C3orf33: variants seen among roughly 807,000 people sequenced by gnomAD.
The protein encoded by C3orf33 is AP-1 activity suppressor.
C3orf33 carries 23 observed loss-of-function variants against 28.7 expected under a neutral mutation model. The observed-to-expected ratio is 0.80, with a 90% CI of 0.58 to 1.13. The LOEUF is 1.13. Ranked by LOEUF, C3orf33 falls within the 50% of genes most tolerant of loss-of-function variation. The pLI is 0.00. For synonymous variants in C3orf33, 119 were observed against 120.5 expected (o/e 0.99, Z 0.08); for missense variants, 327 against 353.4 (o/e 0.93, Z 0.60).
intron 2 of C3orf33, among the ~76,000 whole-genome samples, chr3:155,790,018 G>A (rs1244532447): frequency 6.6e-6 from 1 of 151,946 alleles, no homozygotes; most frequent in Non-Finnish European, 1.5e-5. Context: ...ACAAAAATTA[G>A]CCGGATGTAG....
At chr3:155,788,310 AATTCAAT>A (rs1751202560) in intron 2 of C3orf33, among the ~76,000 whole-genome samples, 1 of 152,178 alleles carries the variant, frequency 6.6e-6, no homozygotes, top group South Asian at 2.1e-4. Flanking sequence ...CCTTTGACAA[AATTCAAT>A]ATTCCTTCAT....
chr3:155,804,231 G>A (rs1751751298), intron 1 of C3orf33: 8 of 382,398 alleles, frequency 2.1e-5, no homozygotes, highest in South Asian at 1.1e-4. Flanking sequence ...ACATACTCTG[G>A]GTTCTGTGAT....
chr3:155,788,167 G>A (rs1447164906), intron 2 of C3orf33, among the ~76,000 whole-genome samples: 1 of 150,940 alleles, frequency 6.6e-6, no homozygotes, highest in Non-Finnish European at 1.5e-5. Context: ...CTCCAGCCTG[G>A]GCGACAGAGC....
chr3:155,787,808 A>C (rs11712034), intron 2 of C3orf33, among the ~76,000 whole-genome samples: 122,604 of 151,802 alleles, frequency 0.81, 49,648 homozygotes, highest in East Asian at 0.91. Context: ...GCCACCACAC[A>C]CAGTCTTTCA....
chr3:155,775,437 C>G (rs980175349), intron 3 of C3orf33, among the ~76,000 whole-genome samples: 2 of 149,440 alleles, frequency 1.3e-5, no homozygotes, highest in South Asian at 4.2e-4. Context: ...TGCAGTGAGC[C>G]GAAATTGCAC....
At position 155,778,731 on chromosome 3, in the gene C3orf33, G is replaced by C. The variant is rs147661832; in HGVS notation, c.175-2883C>G. On this transcript the variant is annotated intron_variant, in intron 2 of 4. Coordinates refer to ENST00000340171, the MANE Select transcript of C3orf33 (RefSeq NM_001308229.2). ...AAACAGAGAAATACAGATTAAATAT[G>C]CACATAGTCAGATGGTTCCCAACAT... 4.6e-3 allele frequency among the ~76,000 whole-genome samples: 702 copies of C among 152,256 alleles called. 10 individuals carry two copies. Among genetic ancestry groups the C allele is most frequent in the African/African-American group, 0.016 (655 of 41,544 alleles).
rs1294881561 is a variant in C3orf33 at position 155,775,802 on chromosome 3, C to G, written c.221G>C (p.Arg74Thr). ...TCGTCCACGTAGTTTAACATTTCTT[C>G]TTATAAATTCTACTGGAATATCCGA... is the stretch of plus-strand genomic sequence containing the variant. ...SSSDIPVEFI[R>T]RNVKLRGRLR... is the part of the protein sequence containing the mutation. The change falls in exon 3 of 5, where the codon AGA becomes ACA. Residue 74 changes from arginine (R) to threonine (T), a missense_variant. By Grantham distance (71) the Arg-to-Thr change is moderately conservative. Transcript: ENST00000340171. 6.3e-7 allele frequency: 1 copy of G among 1,598,472 alleles called. No homozygotes were observed. The highest frequency in any genetic ancestry group is 1.3e-5 in the African/African-American group (1 of 74,470).
At chr3:155,804,187 A>G in intron 1 of C3orf33, 1 of 432,608 alleles carries the variant, frequency 2.3e-6, no homozygotes, top group Non-Finnish European at 4.6e-6. Flanking sequence ...AAAAAAAAGA[A>G]AAAGGAAATG....
At chr3:155,800,552 A>G (rs917643236) in intron 2 of C3orf33, among the ~76,000 whole-genome samples, 1 of 139,336 alleles carries the variant, frequency 7.2e-6, no homozygotes, top group Non-Finnish European at 1.5e-5. Context: ...TGAGGCTGCA[A>G]TGAGCCATGA....
At chr3:155,790,094 G>A (rs1751264315) in intron 2 of C3orf33, among the ~76,000 whole-genome samples, 1 of 146,910 alleles carries the variant, frequency 6.8e-6, no homozygotes, top group Non-Finnish European at 1.5e-5. Flanking sequence ...AACCCGGGAG[G>A]CAGAAGTTGC....
chr3:155,794,042 G>C (rs1751408984), intron 2 of C3orf33, among the ~76,000 whole-genome samples: 1 of 151,388 alleles, frequency 6.6e-6, no homozygotes, highest in Non-Finnish European at 1.5e-5. Flanking sequence ...GGAGTGCAGT[G>C]GTGCAACCTC....
chr3:155,786,993 A>G (rs1751139540), intron 2 of C3orf33, among the ~76,000 whole-genome samples: 1 of 152,234 alleles, frequency 6.6e-6, no homozygotes, highest in Admixed American at 6.5e-5. Flanking sequence ...CAATTCTACC[A>G]TGGATTTAAA....
chr3:155,777,879 C>T (rs1282747621), intron 2 of C3orf33, among the ~76,000 whole-genome samples: 1 of 151,828 alleles, frequency 6.6e-6, no homozygotes, highest in African/African-American at 2.4e-5. Flanking sequence ...TGGCCAGATG[C>T]GATGGTTCAT....
At chr3:155,792,253 C>T (rs929885919) in intron 2 of C3orf33, among the ~76,000 whole-genome samples, 11 of 152,288 alleles carry the variant, frequency 7.2e-5, no homozygotes, top group Middle Eastern at 3.4e-3. Context: ...AGAGCCACAG[C>T]GTTACTGGGC....
At chr3:155,788,947 GAACT>G (rs772375751) in intron 2 of C3orf33, among the ~76,000 whole-genome samples, 36 of 152,120 alleles carry the variant, frequency 2.4e-4, no homozygotes, top group Non-Finnish European at 3.4e-4. Flanking sequence ...AAAACTATTA[GAACT>G]AACACACAAA....
At chr3:155,786,672 CA>C (rs1204099458) in intron 2 of C3orf33, among the ~76,000 whole-genome samples, 2 of 150,878 alleles carry the variant, frequency 1.3e-5, no homozygotes, top group Non-Finnish European at 3.0e-5. Flanking sequence ...ACTAAAAATA[CA>C]AAAAAAAATT....
intron 2 of C3orf33, among the ~76,000 whole-genome samples, chr3:155,799,341 C>T (rs1751573897): frequency 6.6e-6 from 1 of 152,150 alleles, no homozygotes; most frequent in Non-Finnish European, 1.5e-5. Context: ...CAGCACTATT[C>T]ACAATAGCCA....
intron 3 of C3orf33, among the ~76,000 whole-genome samples, chr3:155,772,576 CTTTTT>C (rs371722784): frequency 1.4e-5 from 2 of 141,912 alleles, no homozygotes; most frequent in East Asian, 2.1e-4. Flanking sequence ...GTGTCAAAAA[CTTTTT>C]TTTTTTTTTT....
At chr3:155,765,439 C>CT (rs969013275) in intron 4 of C3orf33, among the ~76,000 whole-genome samples, 11 of 152,018 alleles carry the variant, frequency 7.2e-5, no homozygotes, top group African/African-American at 1.7e-4. Flanking sequence ...TAATCATCTC[C>CT]TTTTTTTTGG....
Sources: allele counts gnomAD v4.1 joint callset (sites outside exome capture counted in the v4.1 genomes callset), GRCh38; gene constraint gnomAD v4.1.1; transcripts MANE v1.5; gene names NCBI Gene and HGNC (gene_info 2026-07-23, HGNC 2026-07-21).